TECTB: variants seen among roughly 807,000 people sequenced by gnomAD.
TECTB encodes the protein beta-tectorin.
Under a neutral mutation model 43.3 loss-of-function variants are expected in TECTB, and 45 were observed. The observed-to-expected ratio is 1.04, with a 90% CI of 0.82 to 1.33. TECTB has a LOEUF of 1.33. TECTB is among the 40% of genes most tolerant of loss of function. The pLI is 0.00. For synonymous variants in TECTB, 169 were observed against 156.7 expected (o/e 1.08, Z -0.59); for missense variants, 399 against 404.7 (o/e 0.99, Z 0.12).
Position 112,304,596 on chromosome 10 carries a change from T to C in TECTB, c.*1284T>C, listed in dbSNP as rs1045848925. ...AGGCTTATAATTTGAAAACAACACA[T>C]GGGTTTGTCTCTCTGTATTTAAGGT... On this transcript the variant is annotated 3_prime_UTR_variant, in exon 11 of 11. Coordinates refer to ENST00000646139, the MANE Select transcript of TECTB (RefSeq NM_058222.3). 19 of 152,356 alleles carry C rather than the reference T, an allele frequency of 1.2e-4. No individual in the cohort carries two copies. Among genetic ancestry groups the C allele is most frequent in the Admixed American group, 1.1e-3 (17 of 15,304 alleles). 9.4% of individuals were successfully genotyped at this position (152,356 alleles called of 1,614,324 possible). A position where few individuals can be genotyped will look rare whatever the true frequency, so the allele number is the denominator to read the frequency against.
chr10:112,294,846 T>C (rs1848531885), intron 7 of TECTB, among the ~76,000 whole-genome samples: 1 of 152,078 alleles, frequency 6.6e-6, no homozygotes, highest in Non-Finnish European at 1.5e-5. Context: ...ACTAATCAGA[T>C]AGGAGGTGGA....
At chr10:112,291,919 G>A (rs966664873) in intron 5 of TECTB, among the ~76,000 whole-genome samples, 8 of 152,132 alleles carry the variant, frequency 5.3e-5, no homozygotes, top group African/African-American at 9.7e-5. Context: ...GGCAGATCAC[G>A]AGGTCAGGAG....
intron 5 of TECTB, among the ~76,000 whole-genome samples, chr10:112,288,264 A>G (rs1321086332): frequency 6.6e-6 from 1 of 152,186 alleles, no homozygotes; most frequent in Non-Finnish European, 1.5e-5. Context: ...ATTGCCCACC[A>G]TCAGCTGCGT....
intron 5 of TECTB, among the ~76,000 whole-genome samples, chr10:112,288,888 A>C (rs115288910): frequency 6.6e-6 from 1 of 152,164 alleles, no homozygotes; most frequent in African/African-American, 2.4e-5. Context: ...TTGACCCTCA[A>C]TACAAAATAA....
chr10:112,293,101 C>T (rs1028211964), intron 5 of TECTB, among the ~76,000 whole-genome samples: 10 of 152,224 alleles, frequency 6.6e-5, no homozygotes, highest in Non-Finnish European at 1.5e-4. Flanking sequence ...TCTATAGTTA[C>T]ATATTATATC....
chr10:112,300,395 T>C (rs10430630), intron 9 of TECTB, among the ~76,000 whole-genome samples: 14,543 of 151,746 alleles, frequency 0.096, 790 homozygotes, highest in East Asian at 0.19. Context: ...GAATGTCATG[T>C]GCAAGTCAAA....
intron 7 of TECTB, among the ~76,000 whole-genome samples, chr10:112,294,365 G>A (rs1402001805): frequency 6.6e-6 from 1 of 152,138 alleles, no homozygotes; most frequent in Non-Finnish European, 1.5e-5. Context: ...GAGAGGGTAA[G>A]GTCTCATATT....
At position 112,299,510 on chromosome 10, in the gene TECTB, C is replaced by A. The variant is rs761975669; in HGVS notation, c.853C>A (p.Arg285Ser). 1 of 1,614,248 alleles carries A rather than the reference C, an allele frequency of 6.2e-7. No homozygotes were observed. Reference sequence around the variant, plus strand: ...TCTTCAGACCTGCGATAAACGGAAGCGCCTCCTGCGAGACCAGACCGGGGG... The same window carrying A: ...TCTTCAGACCTGCGATAAACGGAAGAGCCTCCTGCGAGACCAGACCGGGGG... ...SCPVTCDKRKRLLRDQTGGVL... is the reference protein window; with the variant it reads ...SCPVTCDKRKSLLRDQTGGVL... The change falls in exon 9 of 11, where the codon CGC (arginine) becomes AGC (serine). Residue 285 changes from arginine (R) to serine (S), a missense_variant. Coordinates refer to ENST00000646139, the MANE Select transcript of TECTB (RefSeq NM_058222.3).
At chr10:112,302,168 G>A in intron 10 of TECTB, 35 bp downstream of exon 10, 2 of 1,611,248 alleles carry the variant, frequency 1.2e-6, no homozygotes, top group South Asian at 1.1e-5. Context: ...ATTTCGTGGG[G>A]CTATGCTGTT....
At chr10:112,284,014 T>A (rs1333562741) in intron 2 of TECTB, among the ~76,000 whole-genome samples, 1 of 152,168 alleles carries the variant, frequency 6.6e-6, no homozygotes. Context: ...ACTTTTTTTT[T>A]AATTAGAGAA....
chr10:112,286,042 C>G, intron 3 of TECTB, 29 bp from the exon 4 acceptor site: 1 of 1,613,498 alleles, frequency 6.2e-7, no homozygotes, highest in African/African-American at 1.3e-5. Context: ...GAAACAGATT[C>G]ATCCTGACTG....
intron 5 of TECTB, among the ~76,000 whole-genome samples, chr10:112,290,221 A>T (rs1201288298): frequency 6.6e-6 from 1 of 152,184 alleles, no homozygotes; most frequent in Non-Finnish European, 1.5e-5. Context: ...TCTGTCAGTC[A>T]CTCAGTAGCC....
chr10:112,296,578 C>A (rs1848548494), intron 7 of TECTB, among the ~76,000 whole-genome samples: 1 of 152,208 alleles, frequency 6.6e-6, no homozygotes, highest in African/African-American at 2.4e-5. Flanking sequence ...AATGATCCTA[C>A]AGAAGTCTTG....
rs1420710378 is a variant in TECTB, at chr10:112,303,870, A to G, written c.*558A>G. 2 of 154,288 alleles carry G rather than the reference A, an allele frequency of 1.3e-5. No individual in the cohort carries two copies. The highest frequency in any genetic ancestry group is 2.9e-5 in the Non-Finnish European group (2 of 69,256). 9.6% of individuals were successfully genotyped at this position (154,288 alleles called of 1,614,324 possible). A position where few individuals can be genotyped will look rare whatever the true frequency, so the allele number is the denominator to read the frequency against. On this transcript the variant is annotated 3_prime_UTR_variant, in exon 11 of 11. Coordinates refer to ENST00000646139, the MANE Select transcript of TECTB (RefSeq NM_058222.3). ...GAGTGGAATACAATAGTTTTGCTCAAACCTAATGATATAAAGGAAATAGAT... is the reference window on the plus strand; with the variant it reads ...GAGTGGAATACAATAGTTTTGCTCAGACCTAATGATATAAAGGAAATAGAT...
chr10:112,296,980 C>A (rs1343581197), intron 7 of TECTB, among the ~76,000 whole-genome samples: 1 of 152,190 alleles, frequency 6.6e-6, no homozygotes, highest in Admixed American at 6.5e-5. Context: ...GTGCTACCTG[C>A]AGATAACAAA....
At chr10:112,295,809 G>A (rs187898701) in intron 7 of TECTB, among the ~76,000 whole-genome samples, 143 of 152,328 alleles carry the variant, frequency 9.4e-4, no homozygotes, top group East Asian at 1.9e-4. Flanking sequence ...TTCTAGTGCC[G>A]TTGTTCCCAT....
chr10:112,294,356 A>G (rs539892156), intron 7 of TECTB, among the ~76,000 whole-genome samples: 1 of 152,244 alleles, frequency 6.6e-6, no homozygotes, highest in Non-Finnish European at 1.5e-5. Flanking sequence ...GAGGCACAAG[A>G]GAGGGTAAGG....
intron 2 of TECTB, among the ~76,000 whole-genome samples, chr10:112,284,070 T>A (rs1848434910): frequency 6.6e-6 from 1 of 152,028 alleles, no homozygotes; most frequent in Non-Finnish European, 1.5e-5. Context: ...TCTCCCCACA[T>A]CCCATTATAT....
At chr10:112,303,020 G>A in intron 10 of TECTB, 1 of 519,462 alleles carries the variant, frequency 1.9e-6, no homozygotes, top group Admixed American at 3.1e-5. Flanking sequence ...TACACTGAAA[G>A]CCCTAGAGTA....
Sources: allele counts gnomAD v4.1 joint callset (sites outside exome capture counted in the v4.1 genomes callset), GRCh38; gene constraint gnomAD v4.1.1; transcripts MANE v1.5; gene names NCBI Gene and HGNC (gene_info 2026-07-23, HGNC 2026-07-21).